Variants in CRISPLD1 observed in about 807,000 individuals in gnomAD.
CRISPLD1 encodes cysteine rich secretory protein LCCL domain containing 1.
Under a neutral mutation model 77.5 loss-of-function variants are expected in CRISPLD1, and 60 were observed. The ratio of observed to expected loss-of-function variants is 0.77; its 90% CI spans 0.63 to 0.96. The LOEUF (loss-of-function observed/expected upper bound fraction) is 0.96, where lower values mean the gene tolerates loss of function less well. Among genes scored for constraint, CRISPLD1 ranks in the 40% least tolerant of loss-of-function variants. CRISPLD1 has a pLI of 0.00. For synonymous variants in CRISPLD1, 195 were observed against 200.1 expected (o/e 0.97, Z 0.22); for missense variants, 623 against 615.8 (o/e 1.01, Z -0.12).
At chr8:74,994,118 C>G (rs117083644) in intron 2 of CRISPLD1, among the ~76,000 whole-genome samples, 1 of 152,012 alleles carries the variant, frequency 6.6e-6, no homozygotes, top group African/African-American at 2.4e-5. Context: ...TTAGGCAGTG[C>G]GAAGAGGACT....
In CRISPLD1 at chr8:74,984,512, CTAG is replaced by C. The variant is rs1812464766; in HGVS notation, c.-470_-468del. 6.6e-6 allele frequency: 1 copy of C among 152,290 alleles called. No homozygotes were observed. 9.4% of individuals were successfully genotyped at this position (152,290 alleles called of 1,614,324 possible). On this transcript the variant is annotated 5_prime_UTR_variant, in exon 1 of 15. Transcript: ENST00000262207. ...CGAACGCGAGAGAGCGACGGAAGCG[CTAG>C]GCGCCTGGTTCTGCGCGTACTGGCT...
rs776037094 is a variant in CRISPLD1, at chr8:75,029,394, G to A, written c.1328G>A (p.Ser443Asn). The A allele has an allele frequency of 3.7e-6, 6 of 1,612,542 alleles. 1 individual carries two copies. The Admixed American group carries it at 6.7e-5, about 18-fold the overall frequency. The change falls in exon 14 of 15, where the codon AGT (serine) becomes AAT (asparagine). Residue 443 changes from serine (S) to asparagine (N), a missense_variant. Ser to Asn is a conservative substitution (Grantham distance 46). Transcript: ENST00000262207. ...GTTTCTTTACCTTCTCAGCTGTCCA[G>A]TATCTGCAGAGCAGCAGTACATGCT... is the stretch of plus-strand genomic sequence containing the variant. ...IGTRVYSDLSSICRAAVHAGV... is the reference protein window; with the variant it reads ...IGTRVYSDLSNICRAAVHAGV...
At chr8:74,994,312 G>C (rs1338353291) in intron 2 of CRISPLD1, among the ~76,000 whole-genome samples, 2 of 152,184 alleles carry the variant, frequency 1.3e-5, no homozygotes, top group African/African-American at 4.8e-5. Flanking sequence ...AGGCCTTGTT[G>C]CAAGATGAAT....
chr8:75,023,039 C>T (rs1033479245), intron 12 of CRISPLD1, among the ~76,000 whole-genome samples: 1 of 143,838 alleles, frequency 7.0e-6, no homozygotes, highest in African/African-American at 2.6e-5. Flanking sequence ...AGTATGTCAG[C>T]ATTTTCATTC....
chr8:75,002,539 G>A (rs1167608394), intron 2 of CRISPLD1, among the ~76,000 whole-genome samples: 4 of 151,770 alleles, frequency 2.6e-5, no homozygotes, highest in Non-Finnish European at 1.5e-5. Flanking sequence ...AGAGTTGTGG[G>A]CAGGATTAAG....
chr8:75,021,939 AG>A (rs1401973418), intron 12 of CRISPLD1, among the ~76,000 whole-genome samples: 1 of 152,152 alleles, frequency 6.6e-6, no homozygotes, highest in Non-Finnish European at 1.5e-5. Flanking sequence ...AATAATAAGG[AG>A]GGTCTCTGTA....
At chr8:74,995,440 T>C (rs1427556749) in intron 2 of CRISPLD1, among the ~76,000 whole-genome samples, 3 of 152,224 alleles carry the variant, frequency 2.0e-5, no homozygotes, top group East Asian at 3.9e-4. Context: ...TCATTACTTA[T>C]TTATCAAACA....
At chr8:75,032,144 A>T in intron 14 of CRISPLD1, 47 bp from the exon 15 acceptor site, 1 of 1,307,820 alleles carries the variant, frequency 7.6e-7, no homozygotes, top group Non-Finnish European at 1.1e-6. Context: ...AGGATTATGT[A>T]TAGAGATGAC....
chr8:75,019,873 A>G lies in CRISPLD1; in HGVS notation c.1131A>G (p.Lys377=). 1 of 1,611,524 alleles carries G rather than the reference A, an allele frequency of 6.2e-7. No homozygotes were observed. The highest frequency in any genetic ancestry group is 8.5e-7 in the Non-Finnish European group (1 of 1,178,102). ...ATTTCTGTATTTTTACCTTCAGCAA[A>G]TATCAGTCTGCTAATTCCTTCACAG... ...SNRNGIQTIG[K]YQSANSFTVS... Residue 377 remains lysine (K), a synonymous_variant, in exon 11 of 15, where the codon AAA becomes AAG. Coordinates refer to ENST00000262207, the MANE Select transcript of CRISPLD1 (RefSeq NM_031461.6).
chr8:75,030,483 T>C (rs567945636), intron 14 of CRISPLD1, among the ~76,000 whole-genome samples: 7 of 152,162 alleles, frequency 4.6e-5, no homozygotes, highest in Non-Finnish European at 7.3e-5. Context: ...CTGAGTGATA[T>C]GGTTTTATGT....
At chr8:75,001,726 C>T (rs1164589709) in intron 2 of CRISPLD1, among the ~76,000 whole-genome samples, 2 of 148,614 alleles carry the variant, frequency 1.3e-5, no homozygotes. Flanking sequence ...ATTTAAGCCT[C>T]AATTATGGAG....
At position 75,032,912 on chromosome 8, in the gene CRISPLD1, G is replaced by C. The variant is rs1402046847; in HGVS notation, c.*670G>C. 2.6e-5 allele frequency: 4 copies of C among 151,838 alleles called. No individual in the cohort carries two copies. The highest frequency in any genetic ancestry group is 4.4e-5 in the Non-Finnish European group (3 of 67,810). The allele number at this position is 151,838 out of a possible 1,614,324, so 9.4% of individuals were successfully genotyped here. On this transcript the variant is annotated 3_prime_UTR_variant, in exon 15 of 15. Transcript: ENST00000262207. ...GAGTGGTGGTATGAAAACATTCCTAGTGATCATGTAGTAAATGTAGGGTTA... is the reference window on the plus strand; with the variant it reads ...GAGTGGTGGTATGAAAACATTCCTACTGATCATGTAGTAAATGTAGGGTTA...
intron 2 of CRISPLD1, among the ~76,000 whole-genome samples, chr8:75,011,287 C>G (rs1279628630): frequency 1.5e-5 from 2 of 131,012 alleles, no homozygotes; most frequent in Non-Finnish European, 3.2e-5. Context: ...CCCCCCACCC[C>G]ACAACAGTCC....
chr8:75,011,825 T>G (rs1262593447), intron 2 of CRISPLD1, among the ~76,000 whole-genome samples: 2 of 152,126 alleles, frequency 1.3e-5, no homozygotes, highest in African/African-American at 4.8e-5. Context: ...CACTGTCCCA[T>G]TCAATTTACA....
chr8:74,987,950 G>A (rs916524797), intron 2 of CRISPLD1, among the ~76,000 whole-genome samples: 1 of 152,126 alleles, frequency 6.6e-6, no homozygotes, highest in Non-Finnish European at 1.5e-5. Context: ...ATGATGTCTG[G>A]TCTGGGATGT....
intron 4 of CRISPLD1, 98 bp downstream of exon 4, chr8:75,013,120 G>A: frequency 9.9e-7 from 1 of 1,006,766 alleles, no homozygotes; most frequent in Non-Finnish European, 1.3e-6. Flanking sequence ...ATTTAATATG[G>A]TTATTAAAAA....
At chr8:75,000,474 G>T in intron 2 of CRISPLD1, 1 of 963,438 alleles carries the variant, frequency 1.0e-6, no homozygotes, top group African/African-American at 1.8e-5. Context: ...ATGTTATTCC[G>T]TATGCCTTGA....
intron 14 of CRISPLD1, 93 bp downstream of exon 14, chr8:75,029,610 T>A: frequency 7.3e-7 from 1 of 1,361,344 alleles, no homozygotes; most frequent in Non-Finnish European, 1.0e-6. Flanking sequence ...ATATTTTTAA[T>A]TTTTTTCAAA....
chr8:74,985,161 T>G (rs1395954032), intron 1 of CRISPLD1, among the ~76,000 whole-genome samples: 1 of 152,094 alleles, frequency 6.6e-6, no homozygotes, highest in East Asian at 1.9e-4. Flanking sequence ...CCATTTGAGT[T>G]CAGAGAAAGA....
Sources: allele counts gnomAD v4.1 joint callset (sites outside exome capture counted in the v4.1 genomes callset), GRCh38; gene constraint gnomAD v4.1.1; transcripts MANE v1.5; gene names NCBI Gene and HGNC (gene_info 2026-07-23, HGNC 2026-07-21).